Variants in CEP250 observed in about 807,000 individuals in gnomAD.
The protein encoded by CEP250 is centrosome-associated protein CEP250.
A neutral mutation model predicts 315.7 loss-of-function variants in CEP250; 242 were observed. The observed-to-expected ratio is 0.77, with a 90% CI of 0.69 to 0.85. CEP250 has a LOEUF of 0.85. Ranked by LOEUF, CEP250 falls within the 40% of genes least tolerant of loss-of-function variation. The pLI is 0.00. For synonymous variants in CEP250, 1,088 were observed against 1,175.0 expected (o/e 0.93, Z 1.51); for missense variants, 2,515 against 2,886.4 (o/e 0.87, Z 2.95).
At chr20:35,496,774 G>T (rs1373045440) in intron 25 of CEP250, 59 bp downstream of exon 25, 26 of 1,563,992 alleles carry the variant, frequency 1.7e-5, no homozygotes, top group Non-Finnish European at 2.1e-5. Flanking sequence ...TTCTGAAGCG[G>T]TGGATTGATT....
chr20:35,491,003 G>T, intron 21 of CEP250, 199 bp downstream of exon 21: 1 of 785,126 alleles, frequency 1.3e-6, no homozygotes, highest in South Asian at 1.8e-5. Context: ...CTGAGGGAGG[G>T]CTGACATGTA....
At chr20:35,508,722 G>C (rs187929862) in intron 32 of CEP250, among the ~76,000 whole-genome samples, 16 of 152,346 alleles carry the variant, frequency 1.1e-4, no homozygotes, top group Non-Finnish European at 1.6e-4. Flanking sequence ...GCTGGCCTTT[G>C]CTCCAGAGGT....
At chr20:35,511,237 G>A (rs2064346481) in intron 34 of CEP250, 126 bp from the exon 35 acceptor site, 6 of 741,544 alleles carry the variant, frequency 8.1e-6, no homozygotes, top group South Asian at 5.6e-5. Flanking sequence ...TCTGAGATTC[G>A]TGTATGTGGT....
intron 20 of CEP250, among the ~76,000 whole-genome samples, chr20:35,483,122 A>G (rs2063398395): frequency 6.6e-6 from 1 of 151,610 alleles, no homozygotes. Context: ...GGAGTTCGAG[A>G]CCAGCCTGAC....
intron 9 of CEP250, among the ~76,000 whole-genome samples, chr20:35,467,849 C>G (rs1378609584): frequency 2.6e-5 from 4 of 152,186 alleles, no homozygotes; most frequent in African/African-American, 7.2e-5. Context: ...AGCTCTTCCC[C>G]CTCCCTGTCT....
chr20:35,489,250 A>G (rs1402517866), intron 20 of CEP250, among the ~76,000 whole-genome samples: 1 of 151,890 alleles, frequency 6.6e-6, no homozygotes, highest in Non-Finnish European at 1.5e-5. Context: ...GTGTGTAGCC[A>G]GGGTGTAGTG....
At chr20:35,507,391 G>A (rs1463173912) in intron 30 of CEP250, among the ~76,000 whole-genome samples, 1 of 152,094 alleles carries the variant, frequency 6.6e-6, no homozygotes, top group Non-Finnish European at 1.5e-5. Context: ...GGGCCACTGG[G>A]TACGCCACAG....
At position 35,517,172 on chromosome 20, in the gene CEP250, C is replaced by A; in HGVS notation, c.*5546C>A. The stretch of plus-strand genomic sequence containing the variant: ...GACCTATTCAGTCCTCAAGGGTGCC[C>A]TGCTAAAGGCTGGGCTGAAAGCTAA... On this transcript the variant is annotated 3_prime_UTR_variant, in exon 35 of 35. Coordinates refer to ENST00000397527, the MANE Select transcript of CEP250 (RefSeq NM_007186.6). 1 of 234,496 alleles carries A rather than the reference C, an allele frequency of 4.3e-6. No individual in the cohort carries two copies. The highest frequency in any genetic ancestry group is 7.0e-6 in the Non-Finnish European group (1 of 143,168). The allele number at this position is 234,496 out of a possible 1,614,324, so 14.5% of individuals were successfully genotyped here. A position where few individuals can be genotyped will look rare whatever the true frequency, so the allele number is the denominator to read the frequency against.
Position 35,503,150 on chromosome 20 carries a change from C to T in CEP250, c.4781C>T (p.Thr1594Met), listed in dbSNP as rs767457631. 5.6e-6 allele frequency: 9 copies of T among 1,613,952 alleles called. No homozygotes were observed. Among genetic ancestry groups the T allele is most frequent in the East Asian group, 2.2e-5 (1 of 44,894 alleles). The change falls in exon 30 of 35, where the codon ACG becomes ATG. Residue 1594 changes from threonine (T) to methionine (M), a missense_variant. By Grantham distance (81) the Thr-to-Met change is moderately conservative. Coordinates refer to ENST00000397527, the MANE Select transcript of CEP250 (RefSeq NM_007186.6). The surrounding 1 kb of genome is among the most constrained non-coding windows in gnomAD (Gnocchi z 4.2). Reference protein sequence around the residue: ...ETQRVALTHLTLDLEERSQEL... With the variant: ...ETQRVALTHLMLDLEERSQEL... ...CAGAGAGTGGCTTTGACCCACCTTACGCTGGACCTAGAAGAAAGGAGCCAG... is the reference window on the plus strand; with the variant it reads ...CAGAGAGTGGCTTTGACCCACCTTATGCTGGACCTAGAAGAAAGGAGCCAG...
intron 31 of CEP250, 36 bp from the exon 32 acceptor site, chr20:35,507,999 G>A: frequency 6.2e-7 from 1 of 1,613,490 alleles, no homozygotes; most frequent in Non-Finnish European, 8.5e-7. Flanking sequence ...CTGTCTTAGG[G>A]GCTGCCCAGG....
intron 34 of CEP250, among the ~76,000 whole-genome samples, chr20:35,510,878 G>C (rs116139173): frequency 0.022 from 3,385 of 152,028 alleles, 143 homozygotes; most frequent in African/African-American, 0.077. Context: ...ACCTGTAATC[G>C]TAGCTACTCA....
At chr20:35,473,022 C>T (rs1462070941) in intron 12 of CEP250, among the ~76,000 whole-genome samples, 191 bp downstream of exon 12, 2 of 152,172 alleles carry the variant, frequency 1.3e-5, no homozygotes, top group Non-Finnish European at 2.9e-5. Context: ...ACATCCTCCA[C>T]GCCAATGGCA....
chr20:35,484,379 A>G (rs1313495612), intron 20 of CEP250, among the ~76,000 whole-genome samples: 1 of 152,184 alleles, frequency 6.6e-6, no homozygotes, highest in East Asian at 1.9e-4. Context: ...AGTCAGGCCC[A>G]GACCCCATGT....
At chr20:35,475,792 C>T (rs1466055828) in intron 15 of CEP250, 146 bp downstream of exon 15, 1 of 827,976 alleles carries the variant, frequency 1.2e-6, no homozygotes, top group Non-Finnish European at 1.9e-6. Flanking sequence ...TTCCAACATA[C>T]CCTCTATATT....
rs79735334 is a variant in CEP250, at chr20:35,456,468, G to T, written c.-298+717G>T. Among the ~76,000 whole-genome samples, 120 of 152,286 alleles carry T rather than the reference G, an allele frequency of 7.9e-4. 4 individuals are homozygous for T. In the East Asian group the frequency reaches 0.021, roughly 27 times the overall value. On this transcript the variant is annotated intron_variant, in intron 1 of 34. Transcript: ENST00000397527. ...TTGTGATCAGTATTTTACCGCGAAG[G>T]CTTAGAAAGGAGAACTGGTCCCAGA...
intron 34 of CEP250, among the ~76,000 whole-genome samples, chr20:35,510,406 C>A (rs1192573576): frequency 6.6e-6 from 1 of 152,196 alleles, no homozygotes; most frequent in Non-Finnish European, 1.5e-5. Context: ...GTGCCCCAGA[C>A]AGAGGAGCCA....
chr20:35,507,769 A>C lies in CEP250; in HGVS notation c.6668A>C (p.Glu2223Ala). ...DELELTRRAL[E>A]KERLHSPGAT... The stretch of plus-strand genomic sequence containing the variant: ...CTGGAGCTCACCAGACGGGCTCTGG[A>C]GAAGGAGCGGCTACACAGCCCAGGT... The change falls in exon 31 of 35, where the codon GAG becomes GCG. Residue 2223 changes from glutamate (E) to alanine (A), a missense_variant. Coordinates refer to ENST00000397527, the MANE Select transcript of CEP250 (RefSeq NM_007186.6). 6.4e-7 allele frequency: 1 copy of C among 1,558,338 alleles called. No homozygotes were observed. The highest frequency in any genetic ancestry group is 1.4e-5 in the African/African-American group (1 of 73,302).
At position 35,507,746 on chromosome 20, in the gene CEP250, G is replaced by T; in HGVS notation, c.6645G>T (p.Leu2215=). ...ATACCTCCGTACCCTAGGATGAACT[G>T]GAGCTCACCAGACGGGCTCTGGAGA... ...DSEQQRLQDE[L]ELTRRALEKE... Residue 2215 remains leucine, a synonymous_variant, in exon 31 of 35, where the codon CTG becomes CTT. Transcript: ENST00000397527. 6.4e-7 allele frequency: 1 copy of T among 1,553,508 alleles called. No individual in the cohort carries two copies.
At position 35,500,173 on chromosome 20, in the gene CEP250, A is replaced by T; in HGVS notation, c.3898+4A>T. 6.2e-7 allele frequency: 1 copy of T among 1,613,590 alleles called. No individual in the cohort carries two copies. The highest frequency in any genetic ancestry group is 8.5e-7 in the Non-Finnish European group (1 of 1,179,978). ...CAGCTCTCCCAGAATCAGGAAGGTGAGAAGCTCAAGACAGGCAGGGAGATT... is the reference window on the plus strand; with the variant it reads ...CAGCTCTCCCAGAATCAGGAAGGTGTGAAGCTCAAGACAGGCAGGGAGATT... On this transcript the variant is annotated splice_donor_region_variant and intron_variant, in intron 28 of 34. Transcript: ENST00000397527.
Sources: gnomAD v4.1 joint callset for allele counts (sites outside exome capture counted in the v4.1 genomes callset) on GRCh38, gnomAD v4.1.1 for gene constraint, Gnocchi (gnomAD v3.1) non-coding constraint, MANE v1.5 for transcripts, NCBI Gene and HGNC (gene_info 2026-07-23, HGNC 2026-07-21) for gene names.